PGM2L1: variants seen among roughly 807,000 people sequenced by gnomAD.
PGM2L1 encodes the protein phosphoglucomutase 2 like 1, also known as glucose 1,6-bisphosphate synthase.
A neutral mutation model predicts 73.4 loss-of-function variants in PGM2L1; 35 were observed. The observed-to-expected ratio is 0.48, with a 90% confidence interval of 0.36 to 0.63. PGM2L1 has a LOEUF of 0.63. Among genes scored for constraint, PGM2L1 ranks in the 30% least tolerant of loss-of-function variants. The pLI is 0.00. For missense variants in PGM2L1, 570 were observed against 742.0 expected, an observed-to-expected ratio of 0.77 and a Z score of 2.69; for synonymous variants, 225 against 253.8, an observed-to-expected ratio of 0.89 and a Z score of 1.08.
intron 1 of PGM2L1, among the ~76,000 whole-genome samples, chr11:74,390,036 G>A (rs1184450589): frequency 6.8e-6 from 1 of 146,264 alleles, no homozygotes; most frequent in Non-Finnish European, 1.5e-5. Flanking sequence ...GGAGAATGGC[G>A]TGAACCCGGG....
At chr11:74,389,976 A>G (rs12797073) in intron 1 of PGM2L1, among the ~76,000 whole-genome samples, 120,005 of 126,478 alleles carry the variant, frequency 0.95, 57,389 homozygotes, top group Non-Finnish European at 0.98. Context: ...AAAATTAGCC[A>G]GGCGTGGTGA....
intron 1 of PGM2L1, among the ~76,000 whole-genome samples, chr11:74,392,246 G>A (rs1863112988): frequency 6.6e-6 from 1 of 151,668 alleles, no homozygotes. Flanking sequence ...AATCCCTTCT[G>A]TACTATTTTT....
chr11:74,331,099 AC>A lies in PGM2L1; in HGVS notation c.*5552del, dbSNP rs1407018342. ...GTGGTATGGATATGAAAAATAATAA[AC>A]CACGATTCCTACTCTCGGGACTGAG... is the stretch of plus-strand genomic sequence containing the variant. On this transcript the variant is annotated 3_prime_UTR_variant, in exon 14 of 14. Coordinates refer to ENST00000298198, the MANE Select transcript of PGM2L1 (RefSeq NM_173582.6). 2.0e-5 allele frequency: 3 copies of A among 152,086 alleles called. No homozygotes were observed. Among genetic ancestry groups the A allele is most frequent in the African/African-American group, 7.2e-5 (3 of 41,426 alleles). 9.4% of individuals were successfully genotyped at this position (152,086 alleles called of 1,614,324 possible).
chr11:74,397,959 C>G, intron 1 of PGM2L1, 92 bp downstream of exon 1: 2 of 1,429,504 alleles, frequency 1.4e-6, no homozygotes, highest in Non-Finnish European at 1.8e-6. Context: ...CGAGCCATCT[C>G]CTCTGCAGCC....
intron 1 of PGM2L1, among the ~76,000 whole-genome samples, chr11:74,386,563 C>A (rs1195876713): frequency 4.0e-5 from 6 of 151,874 alleles, no homozygotes; most frequent in African/African-American, 1.5e-4. Context: ...GCAGCCTCAA[C>A]CTCCCAGGCT....
At chr11:74,391,908 CCT>C (rs1863107953) in intron 1 of PGM2L1, among the ~76,000 whole-genome samples, 1 of 152,092 alleles carries the variant, frequency 6.6e-6, no homozygotes, top group Non-Finnish European at 1.5e-5. Context: ...AGTTGGAAGC[CCT>C]GTTTGTTAGT....
chr11:74,379,767 T>C (rs1255850334), intron 1 of PGM2L1, among the ~76,000 whole-genome samples: 1 of 151,928 alleles, frequency 6.6e-6, no homozygotes, highest in African/African-American at 2.4e-5. Flanking sequence ...CTACTAAAAA[T>C]ACAAAAAATT....
intron 6 of PGM2L1, among the ~76,000 whole-genome samples, chr11:74,347,666 T>C (rs1862288808): frequency 1.3e-5 from 2 of 152,178 alleles, no homozygotes; most frequent in Admixed American, 1.3e-4. Context: ...AACTGGTCTT[T>C]CTCGCTTGCC....
intron 12 of PGM2L1, among the ~76,000 whole-genome samples, chr11:74,339,367 A>G (rs1052171328): frequency 6.6e-6 from 1 of 152,156 alleles, no homozygotes; most frequent in Admixed American, 6.5e-5. Flanking sequence ...GCTAGTCCAC[A>G]CATCCGTCTG....
chr11:74,383,183 A>T (rs1862971995), intron 1 of PGM2L1, among the ~76,000 whole-genome samples: 2 of 152,218 alleles, frequency 1.3e-5, no homozygotes, highest in South Asian at 4.1e-4. Context: ...CTGGTTAAAT[A>T]AAAAGGCTGA....
intron 2 of PGM2L1, among the ~76,000 whole-genome samples, chr11:74,372,558 G>A (rs1264780758): frequency 1.3e-4 from 20 of 151,918 alleles, no homozygotes; most frequent in Admixed American, 1.3e-3. Flanking sequence ...TTTAAAATTA[G>A]TTCTACATAA....
chr11:74,333,044 A>G lies in PGM2L1; in HGVS notation c.*3608T>C, dbSNP rs1395140610. On this transcript the variant is annotated 3_prime_UTR_variant, in exon 14 of 14. Transcript: ENST00000298198. ...TGTTTTGTGAGCTAAATTCTTCTAG[A>G]TATGGAGTGAAACCCAAATGTTACT... 1 of 152,228 alleles carries G rather than the reference A, an allele frequency of 6.6e-6. No homozygotes were observed. Among genetic ancestry groups the G allele is most frequent in the Non-Finnish European group, 1.5e-5 (1 of 68,010 alleles). The allele number at this position is 152,228 out of a possible 1,614,324, so 9.4% of individuals were successfully genotyped here. A position where few individuals can be genotyped will look rare whatever the true frequency, so the allele number is the denominator to read the frequency against.
At chr11:74,386,480 CT>C (rs1306684484) in intron 1 of PGM2L1, among the ~76,000 whole-genome samples, 212 of 141,534 alleles carry the variant, frequency 1.5e-3, no homozygotes, top group Middle Eastern at 7.1e-3. Context: ...AAAAAAAAAA[CT>C]TTTTTTTTTT....
At chr11:74,355,890 C>T (rs1331165998) in intron 5 of PGM2L1, among the ~76,000 whole-genome samples, 2 of 152,042 alleles carry the variant, frequency 1.3e-5, no homozygotes, top group Non-Finnish European at 2.9e-5. Context: ...GCAAAAAACT[C>T]GAGGACTGTA....
chr11:74,350,917 GAA>G (rs750035353), intron 6 of PGM2L1, among the ~76,000 whole-genome samples: 2 of 134,614 alleles, frequency 1.5e-5, no homozygotes, highest in Non-Finnish European at 3.2e-5. Flanking sequence ...GAGAGAGAGA[GAA>G]AGAGAGAGAG....
intron 2 of PGM2L1, among the ~76,000 whole-genome samples, chr11:74,372,074 C>A (rs1245286754): frequency 1.3e-5 from 2 of 150,834 alleles, no homozygotes; most frequent in Non-Finnish European, 2.9e-5. Flanking sequence ...ACCACTAAAT[C>A]CAATACAATA....
rs200099273 is a variant in PGM2L1, at chr11:74,347,376, C to T, written c.750-39G>A. ...TCAACATAAGATCATGATTACAAAA[C>T]CTCTTACCTTTGATATAATTAAAAA... On this transcript the variant is annotated intron_variant, in intron 6 of 13. Coordinates refer to ENST00000298198, the MANE Select transcript of PGM2L1 (RefSeq NM_173582.6). The T allele has an allele frequency of 1.4e-4, 208 of 1,440,504 alleles. No individual in the cohort carries two copies. In the African/African-American group the frequency reaches 2.7e-3, roughly 19 times the overall value. The allele number at this position is 1,440,504 out of a possible 1,614,324, so 89.2% of individuals were successfully genotyped here.
intron 2 of PGM2L1, among the ~76,000 whole-genome samples, chr11:74,373,500 T>G (rs1186391779): frequency 6.6e-6 from 1 of 152,236 alleles, no homozygotes; most frequent in Non-Finnish European, 1.5e-5. Context: ...TAGTATAAGC[T>G]AAATACATTA....
chr11:74,398,073 C>T lies in PGM2L1; in HGVS notation c.89G>A (p.Gly30Glu). The change falls in exon 1 of 14, where the codon GGG (glycine) becomes GAG (glutamate). Residue 30 changes from glycine to glutamate, a missense_variant. Physicochemically the swap from Gly to Glu is moderately conservative, Grantham distance 98 (BLOSUM62 -2). Coordinates refer to ENST00000298198, the MANE Select transcript of PGM2L1 (RefSeq NM_173582.6). ...CACCTTATCCCAGCGGAGCCACTGC[C>T]CGATGGCCGTGTCCAGCTGAGGGTC... is the stretch of plus-strand genomic sequence containing the variant. Reference protein sequence around the residue: ...TGDPQLDTAIGQWLRWDKNPK... With the variant: ...TGDPQLDTAIEQWLRWDKNPK... The T allele has an allele frequency of 6.2e-7, 1 of 1,611,628 alleles. No individual in the cohort carries two copies.
Sources: allele counts gnomAD v4.1 joint callset (sites outside exome capture counted in the v4.1 genomes callset), GRCh38; gene constraint gnomAD v4.1.1; transcripts MANE v1.5; gene names NCBI Gene and HGNC (gene_info 2026-07-23, HGNC 2026-07-21).